Variants in GTF3C1 observed in about 807,000 individuals in gnomAD.
GTF3C1 encodes the protein general transcription factor IIIC subunit 1.
A neutral mutation model predicts 226.7 loss-of-function variants in GTF3C1; 57 were observed. The ratio of observed to expected loss-of-function variants is 0.25; its 90% confidence interval spans 0.20 to 0.31. GTF3C1 has a LOEUF of 0.31. Among genes scored for constraint, GTF3C1 ranks in the 10% least tolerant of loss-of-function variants. GTF3C1 has a pLI of 1.00. For missense variants in GTF3C1, 2,217 were observed against 2,776.1 expected (o/e 0.80, Z 4.53); for synonymous variants, 1,090 against 1,084.8 (o/e 1.00, Z -0.09).
chr16:27,503,465 T>A (rs2088439059), intron 10 of GTF3C1, among the ~76,000 whole-genome samples: 1 of 152,174 alleles, frequency 6.6e-6, no homozygotes, highest in African/African-American at 2.4e-5. Flanking sequence ...CTCTCCAGTG[T>A]CTCATGGGGA....
At chr16:27,521,886 CT>C (rs2088756008) in intron 6 of GTF3C1, among the ~76,000 whole-genome samples, 1 of 151,696 alleles carries the variant, frequency 6.6e-6, no homozygotes, top group Non-Finnish European at 1.5e-5. Flanking sequence ...AATCTTGATT[CT>C]TTTTAATTCC....
intron 26 of GTF3C1, 133 bp from the exon 27 acceptor site, chr16:27,481,324 C>A: frequency 1.0e-5 from 7 of 701,160 alleles, no homozygotes; most frequent in African/African-American, 1.8e-5. Flanking sequence ...CAGGTGCCTC[C>A]CCTGGTCACC....
At chr16:27,476,350 C>T in intron 29 of GTF3C1, 101 bp downstream of exon 29, 1 of 705,202 alleles carries the variant, frequency 1.4e-6, no homozygotes, top group Non-Finnish European at 2.5e-6. Flanking sequence ...GGGGAATCAG[C>T]CCAAGAGCCC....
chr16:27,476,358 C>A, intron 29 of GTF3C1, 93 bp downstream of exon 29: 1 of 748,848 alleles, frequency 1.3e-6, no homozygotes, highest in Non-Finnish European at 2.4e-6. Context: ...AGCCCAAGAG[C>A]CCACAGCGGA....
intron 2 of GTF3C1, among the ~76,000 whole-genome samples, chr16:27,543,537 G>GT (rs757603326): frequency 2.6e-5 from 4 of 152,184 alleles, no homozygotes; most frequent in Non-Finnish European, 5.9e-5. Context: ...ACTACAGAGT[G>GT]TGCCACTATG....
chr16:27,487,220 T>A (rs1250560776), intron 23 of GTF3C1, among the ~76,000 whole-genome samples: 1 of 152,224 alleles, frequency 6.6e-6, no homozygotes, highest in African/African-American at 2.4e-5. Context: ...CAGGCGAAAC[T>A]GAGGGGGCCA....
At position 27,471,293 on chromosome 16, in the gene GTF3C1, C is replaced by T. The variant is rs1487078942; in HGVS notation, c.4526+455G>A. Among the ~76,000 whole-genome samples the T allele has an allele frequency of 6.6e-6, 1 of 152,210 alleles. No individual in the cohort carries two copies. Among genetic ancestry groups the T allele is most frequent in the Non-Finnish European group, 1.5e-5 (1 of 68,046 alleles). ...ATGAAGCCACACTGCAAGAGCGCTT[C>T]AGGAGGGAGCCCCAGGAGGATGCCT... On this transcript the variant is annotated intron_variant, in intron 30 of 36. Coordinates refer to ENST00000356183, the MANE Select transcript of GTF3C1 (RefSeq NM_001520.4). The surrounding 1 kb of genome is among the most constrained non-coding windows in gnomAD (Gnocchi z 5.0).
At chr16:27,473,862 C>A (rs1476860449) in intron 29 of GTF3C1, among the ~76,000 whole-genome samples, 1 of 152,246 alleles carries the variant, frequency 6.6e-6, no homozygotes, top group East Asian at 1.9e-4. Context: ...ATTACACCAT[C>A]ATCCTTCCCT....
intron 6 of GTF3C1, among the ~76,000 whole-genome samples, chr16:27,514,367 G>C (rs2088624458): frequency 6.6e-6 from 1 of 152,194 alleles, no homozygotes; most frequent in African/African-American, 2.4e-5. Flanking sequence ...AGGAGGGGAA[G>C]TATGGGGACA....
rs141647079 is a variant in GTF3C1, at chr16:27,463,074, T to A, written c.5924+467A>T. 1,028 of 175,176 alleles carry A rather than the reference T, an allele frequency of 5.9e-3. 13 individuals carry two copies. The highest frequency in any genetic ancestry group is 0.023 in the African/African-American group (980 of 41,982). 10.9% of individuals were successfully genotyped at this position (175,176 alleles called of 1,614,324 possible). ...ACAGGGCACTTGGGCCCTGCCAATC[T>A]GGGGTCAGCACACACACTCATGGGA... is the stretch of plus-strand genomic sequence containing the variant. On this transcript the variant is annotated intron_variant, in intron 35 of 36. Coordinates refer to ENST00000356183, the MANE Select transcript of GTF3C1 (RefSeq NM_001520.4). The surrounding 1 kb of genome is among the most constrained non-coding windows in gnomAD (Gnocchi z 4.9).
At chr16:27,542,827 A>G (rs1017155983) in intron 2 of GTF3C1, among the ~76,000 whole-genome samples, 2 of 152,180 alleles carry the variant, frequency 1.3e-5, no homozygotes, top group Non-Finnish European at 2.9e-5. Flanking sequence ...GCAGCACGTA[A>G]GTCTTGCCAG....
chr16:27,530,882 T>G (rs915583141), intron 5 of GTF3C1, among the ~76,000 whole-genome samples: 5 of 152,246 alleles, frequency 3.3e-5, no homozygotes, highest in Non-Finnish European at 5.9e-5. Context: ...CGAAACTCAC[T>G]GGCTTCATCT....
intron 2 of GTF3C1, among the ~76,000 whole-genome samples, chr16:27,541,682 T>C (rs550966121): frequency 2.8e-4 from 43 of 152,328 alleles, no homozygotes; most frequent in Non-Finnish European, 5.4e-4. Flanking sequence ...CAGAATATTC[T>C]TGGCGAAGGA....
intron 11 of GTF3C1, 49 bp downstream of exon 11, chr16:27,502,810 G>A (rs763230755): frequency 1.3e-6 from 2 of 1,544,478 alleles, no homozygotes; most frequent in South Asian, 1.2e-5. Context: ...CTGGTAGGAG[G>A]ATTACTGTTA....
chr16:27,489,512 C>T (rs1028672026), intron 20 of GTF3C1, 90 bp downstream of exon 20: 1 of 1,033,958 alleles, frequency 9.7e-7, no homozygotes, highest in Non-Finnish European at 1.4e-6. Flanking sequence ...TCTGGCCTGA[C>T]ATCCTAAGCC....
chr16:27,501,517 C>G lies in GTF3C1; in HGVS notation c.1908-173G>C, dbSNP rs566641589. ...TTGAGACGTTAATGATTGTTTCCCTCTGTGGCAAATGTATCAGGTAAGGAC... is the reference window on the plus strand; with the variant it reads ...TTGAGACGTTAATGATTGTTTCCCTGTGTGGCAAATGTATCAGGTAAGGAC... On this transcript the variant is annotated intron_variant, in intron 11 of 36. Transcript: ENST00000356183. Among the ~76,000 whole-genome samples, 3 of 152,350 alleles carry G rather than the reference C, an allele frequency of 2.0e-5. No individual in the cohort carries two copies. The South Asian group carries it at 6.2e-4, about 32-fold the overall frequency.
chr16:27,467,143 T>C (rs186451363), intron 32 of GTF3C1, among the ~76,000 whole-genome samples: 38 of 152,342 alleles, frequency 2.5e-4, no homozygotes, highest in Non-Finnish European at 5.4e-4. Context: ...AGGACTTTCA[T>C]GGCTACAAAG....
intron 6 of GTF3C1, among the ~76,000 whole-genome samples, chr16:27,514,089 G>C (rs2088617922): frequency 6.6e-6 from 1 of 152,186 alleles, no homozygotes; most frequent in South Asian, 2.1e-4. Flanking sequence ...TCTAACGGGG[G>C]CCAGCCTAGG....
chr16:27,534,994 A>T (rs1357584460), intron 4 of GTF3C1, among the ~76,000 whole-genome samples: 2 of 152,212 alleles, frequency 1.3e-5, no homozygotes, highest in Non-Finnish European at 2.9e-5. Context: ...AAGGTATGTC[A>T]TTGATGCATA....
Sources: allele counts gnomAD v4.1 joint callset (sites outside exome capture counted in the v4.1 genomes callset), GRCh38; gene constraint gnomAD v4.1.1; non-coding constraint Gnocchi (gnomAD v3.1); transcripts MANE v1.5; gene names NCBI Gene and HGNC (gene_info 2026-07-23, HGNC 2026-07-21).